DRICH1: variants seen among roughly 807,000 people sequenced by gnomAD.
DRICH1 encodes aspartate rich 1, also known as aspartate-rich protein 1.
Under a neutral mutation model 39.5 loss-of-function variants are expected in DRICH1, and 38 were observed. The ratio of observed to expected loss-of-function variants is 0.96; its 90% CI spans 0.74 to 1.26. The LOEUF (loss-of-function observed/expected upper bound fraction) is 1.26. Among genes scored for constraint, DRICH1 ranks in the 50% most tolerant of loss-of-function variants. DRICH1 has a pLI of 0.00. For missense variants in DRICH1, 279 were observed against 270.4 expected, an observed-to-expected ratio of 1.03 and a Z score of -0.22; for synonymous variants, 84 against 99.5, an observed-to-expected ratio of 0.84 and a Z score of 0.93.
At chr22:23,589,089 GACACACACACACACAC>G in the DRICH1 span, among the ~76,000 whole-genome samples, 46 of 143,918 alleles carry the variant, frequency 3.2e-4, no homozygotes, top group East Asian at 5.4e-3. Flanking sequence ...TCTCCCAGCT[GACACACACACACACAC>G]ACACACACAC....
chr22:23,627,743 C>G (rs1027982640), intron 1 of DRICH1, among the ~76,000 whole-genome samples: 1 of 152,190 alleles, frequency 6.6e-6, no homozygotes, highest in African/African-American at 2.4e-5. Context: ...TCACTGTCCT[C>G]AGGAGCTCAA....
chr22:23,584,144 C>T, the DRICH1 span, among the ~76,000 whole-genome samples: 3 of 151,860 alleles, frequency 2.0e-5, no homozygotes, highest in Non-Finnish European at 4.4e-5. Context: ...GCAGCTGCAG[C>T]TCTCACCACC....
chr22:23,586,384 G>T, the DRICH1 span, among the ~76,000 whole-genome samples: 3 of 152,188 alleles, frequency 2.0e-5, no homozygotes, highest in Non-Finnish European at 4.4e-5. Flanking sequence ...AGCTCCTTGG[G>T]AGGCTGAGGT....
chr22:23,592,878 AC>A, the DRICH1 span, among the ~76,000 whole-genome samples: 453 of 144,802 alleles, frequency 3.1e-3, 4 homozygotes, highest in African/African-American at 0.01. Context: ...ACACACACAC[AC>A]AAAATTAGCT....
At chr22:23,593,426 GT>G in the DRICH1 span, among the ~76,000 whole-genome samples, 8 of 152,108 alleles carry the variant, frequency 5.3e-5, no homozygotes, top group Admixed American at 5.2e-4. Flanking sequence ...CACTCTGGGA[GT>G]GCTGAGGCGG....
At chr22:23,618,160 T>A (rs1213041489) in intron 6 of DRICH1, among the ~76,000 whole-genome samples, 1 of 147,510 alleles carries the variant, frequency 6.8e-6, no homozygotes, top group Non-Finnish European at 1.5e-5. Flanking sequence ...GTCCCCCAGG[T>A]TGGAGTGCAG....
upstream of DRICH1, chr22:23,632,423 G>A: frequency 3.8e-6 from 1 of 263,022 alleles, no homozygotes; most frequent in Non-Finnish European, 7.4e-6. Flanking sequence ...ACAATGTCCA[G>A]CCCCACAGCC....
rs115542392 is a variant in DRICH1 at position 23,621,974 on chromosome 22, A to G, written c.384+117T>C. On this transcript the variant is annotated intron_variant, in intron 4 of 11. Coordinates refer to ENST00000317749, the MANE Select transcript of DRICH1 (RefSeq NM_016449.4). The stretch of plus-strand genomic sequence containing the variant: ...AAAAGAAACAAAGAAAGGAAAGAAA[A>G]TCTCACTTTTGTTGTTTATAGCTCC... The G allele has an allele frequency of 4.6e-3, 4,099 of 891,402 alleles. 109 individuals carry two copies. In the African/African-American group the frequency reaches 0.058, roughly 13 times the overall value. 55.2% of individuals were successfully genotyped at this position (891,402 alleles called of 1,614,324 possible).
the DRICH1 span, among the ~76,000 whole-genome samples, chr22:23,594,275 C>A: frequency 2.6e-5 from 4 of 151,910 alleles, 1 homozygote; most frequent in Admixed American, 1.3e-4. Flanking sequence ...CCAACAACAA[C>A]AAAAAAAAGT....
the DRICH1 span, among the ~76,000 whole-genome samples, chr22:23,596,146 C>A: frequency 3.9e-5 from 6 of 152,272 alleles, no homozygotes; most frequent in Middle Eastern, 3.4e-3. Context: ...CTCCGTGTTT[C>A]CCTTCATCTC....
chr22:23,611,277 T>G (rs76127053), intron 11 of DRICH1, among the ~76,000 whole-genome samples: 2,882 of 152,254 alleles, frequency 0.019, 89 homozygotes, highest in African/African-American at 0.065. Flanking sequence ...ACATTCCCCA[T>G]CTGTATAATG....
intron 2 of DRICH1, among the ~76,000 whole-genome samples, chr22:23,625,575 T>A (rs544842379): frequency 2.3e-4 from 35 of 152,280 alleles, no homozygotes; most frequent in African/African-American, 7.9e-4. Context: ...TCTGTTCTTA[T>A]CAGCCTGCCC....
At chr22:23,591,558 G>C in the DRICH1 span, among the ~76,000 whole-genome samples, 1 of 152,124 alleles carries the variant, frequency 6.6e-6, no homozygotes, top group Non-Finnish European at 1.5e-5. Flanking sequence ...TCTATGAAGT[G>C]AGCTTCCCTC....
chr22:23,622,542 A>G (rs1178618946), intron 3 of DRICH1, among the ~76,000 whole-genome samples: 1 of 112,882 alleles, frequency 8.9e-6, no homozygotes, highest in Admixed American at 8.9e-5. Flanking sequence ...GTACACTAGG[A>G]TCCAATTATG....
chr22:23,618,969 C>T (rs1333559667), intron 6 of DRICH1, among the ~76,000 whole-genome samples: 4 of 151,768 alleles, frequency 2.6e-5, no homozygotes, highest in South Asian at 4.2e-4. Context: ...GTCAAGAGAT[C>T]GAGACCATCC....
the DRICH1 span, among the ~76,000 whole-genome samples, chr22:23,598,695 G>A: frequency 6.6e-6 from 1 of 152,230 alleles, no homozygotes; most frequent in African/African-American, 2.4e-5. Flanking sequence ...CTGCTCTGAG[G>A]CCTCTTTTCT....
At chr22:23,631,476 T>C (rs1264802274) in intron 1 of DRICH1, among the ~76,000 whole-genome samples, 1 of 151,628 alleles carries the variant, frequency 6.6e-6, no homozygotes, top group Non-Finnish European at 1.5e-5. Context: ...TAAGCTACCT[T>C]AAGAGATGGA....
At chr22:23,590,544 G>A in the DRICH1 span, among the ~76,000 whole-genome samples, 6,196 of 152,120 alleles carry the variant, frequency 0.041, 173 homozygotes, top group Non-Finnish European at 0.058. Context: ...CTCCCAAAGT[G>A]CTGGGATTAC....
the DRICH1 span, among the ~76,000 whole-genome samples, chr22:23,596,221 C>T: frequency 6.6e-6 from 1 of 152,112 alleles, no homozygotes; most frequent in South Asian, 2.1e-4. Flanking sequence ...GAGGCCAGTT[C>T]TCCCCGGGTC....
Sources: gnomAD v4.1 joint callset for allele counts (sites outside exome capture counted in the v4.1 genomes callset) on GRCh38, gnomAD v4.1.1 for gene constraint, MANE v1.5 for transcripts, NCBI Gene and HGNC (gene_info 2026-07-23, HGNC 2026-07-21) for gene names.